MORC1: variants seen among roughly 807,000 people sequenced by gnomAD.
The protein encoded by MORC1 is MORC family CW-type zinc finger protein 1.
Under a neutral mutation model 134.9 loss-of-function variants are expected in MORC1, and 59 were observed. The ratio of observed to expected loss-of-function variants is 0.44; its 90% CI spans 0.35 to 0.54. MORC1 has a LOEUF of 0.54. Among genes scored for constraint, MORC1 ranks in the 20% least tolerant of loss-of-function variants. The probability of loss-of-function intolerance (pLI) is 0.00; values close to 1 mark genes in which losing one functional copy is unlikely to be tolerated. For synonymous variants in MORC1, 395 were observed against 391.7 expected, an observed-to-expected ratio of 1.01 and a Z score of -0.10; for missense variants, 947 against 1,134.5, an observed-to-expected ratio of 0.83 and a Z score of 2.37.
chr3:108,991,900 C>A (rs1346698754), intron 21 of MORC1, among the ~76,000 whole-genome samples: 1 of 152,138 alleles, frequency 6.6e-6, no homozygotes, highest in Non-Finnish European at 1.5e-5. Context: ...AGCTGTACTA[C>A]CTTTCTTTTA....
intron 8 of MORC1, among the ~76,000 whole-genome samples, chr3:109,078,008 C>T (rs560336483): frequency 1.1e-4 from 17 of 152,006 alleles, no homozygotes; most frequent in African/African-American, 3.9e-4. Flanking sequence ...CAGACACAGA[C>T]GGGCATTATG....
At chr3:109,113,668 C>T (rs1467337438) in intron 2 of MORC1, among the ~76,000 whole-genome samples, 1 of 149,790 alleles carries the variant, frequency 6.7e-6, no homozygotes, top group African/African-American at 2.5e-5. Flanking sequence ...TTCAATTTAA[C>T]TGAAAAAAAA....
At chr3:109,043,463 GAA>G (rs1949609022) in intron 14 of MORC1, among the ~76,000 whole-genome samples, 1 of 152,090 alleles carries the variant, frequency 6.6e-6, no homozygotes, top group Non-Finnish European at 1.5e-5. Context: ...TGTGCAAGAT[GAA>G]AAGAGTTTTA....
rs190097537 is a variant in MORC1 at position 109,056,402 on chromosome 3, T to C, written c.1175+941A>G. Among the ~76,000 whole-genome samples, 375 of 152,192 alleles carry C rather than the reference T, an allele frequency of 2.5e-3. 1 individual carries two copies. The highest frequency in any genetic ancestry group is 5.4e-3 in the Admixed American group (83 of 15,294). ...GCCACCACACCTGGCTAATTTTCTGTATTTCTAGTAGAGACGGGGTTTCAC... is the reference window on the plus strand; with the variant it reads ...GCCACCACACCTGGCTAATTTTCTGCATTTCTAGTAGAGACGGGGTTTCAC... On this transcript the variant is annotated intron_variant, in intron 13 of 27. Transcript: ENST00000232603.
At chr3:109,087,488 G>C (rs901886351) in intron 8 of MORC1, among the ~76,000 whole-genome samples, 2 of 151,928 alleles carry the variant, frequency 1.3e-5, no homozygotes, top group Non-Finnish European at 2.9e-5. Context: ...GCCACAAAAA[G>C]AATAAAATAC....
At chr3:109,077,919 G>C (rs1356031128) in intron 8 of MORC1, among the ~76,000 whole-genome samples, 1 of 151,996 alleles carries the variant, frequency 6.6e-6, no homozygotes, top group Non-Finnish European at 1.5e-5. Context: ...AAAATACACA[G>C]TAGGAAAATG....
At chr3:109,071,725 T>A (rs948816882) in intron 8 of MORC1, among the ~76,000 whole-genome samples, 3 of 152,214 alleles carry the variant, frequency 2.0e-5, no homozygotes, top group Admixed American at 1.3e-4. Context: ...TATTAGAGAC[T>A]TAGCATCCAA....
At chr3:109,035,243 T>C in intron 15 of MORC1, 97 bp downstream of exon 15, 1 of 1,163,420 alleles carries the variant, frequency 8.6e-7, no homozygotes, top group Non-Finnish European at 1.2e-6. Flanking sequence ...GCAAGATGTC[T>C]TACCTTTGTC....
chr3:109,054,940 T>A, intron 13 of MORC1, 58 bp from the exon 14 acceptor site: 1 of 1,433,560 alleles, frequency 7.0e-7, no homozygotes, highest in Non-Finnish European at 9.5e-7. Flanking sequence ...AAAAATCAAA[T>A]ATATTCTGGT....
At chr3:109,069,091 G>A (rs1357429518) in intron 9 of MORC1, among the ~76,000 whole-genome samples, 1 of 152,182 alleles carries the variant, frequency 6.6e-6, no homozygotes, top group East Asian at 1.9e-4. Flanking sequence ...GGGAGGCAGA[G>A]GTTGCACTGA....
At chr3:109,012,076 T>C (rs1444294401) in intron 17 of MORC1, among the ~76,000 whole-genome samples, 1 of 152,242 alleles carries the variant, frequency 6.6e-6, no homozygotes, top group Non-Finnish European at 1.5e-5. Flanking sequence ...TTCTAGGTTA[T>C]CTTTTACATT....
At chr3:109,044,017 C>G (rs142142471) in intron 14 of MORC1, among the ~76,000 whole-genome samples, 2 of 152,214 alleles carry the variant, frequency 1.3e-5, no homozygotes, top group East Asian at 3.9e-4. Context: ...TGAAAGCACA[C>G]AGCTAATTTT....
intron 15 of MORC1, 131 bp from the exon 16 acceptor site, chr3:109,032,956 C>T (rs886715947): frequency 7.5e-6 from 5 of 668,686 alleles, no homozygotes; most frequent in Admixed American, 3.1e-5. Flanking sequence ...TCATCATATA[C>T]CATTATTCTT....
At chr3:109,013,333 T>C (rs192083284) in intron 17 of MORC1, among the ~76,000 whole-genome samples, 2 of 152,322 alleles carry the variant, frequency 1.3e-5, no homozygotes, top group African/African-American at 4.8e-5. Flanking sequence ...GCCAGAGCTT[T>C]CTATAGAAAG....
chr3:109,035,928 C>G (rs1193519167), intron 14 of MORC1, among the ~76,000 whole-genome samples: 1 of 152,100 alleles, frequency 6.6e-6, no homozygotes, highest in Non-Finnish European at 1.5e-5. Flanking sequence ...GGTTCCTTTT[C>G]TCTCCAGTCT....
In MORC1 at chr3:109,057,416, T is replaced by C. The variant is rs780635776; in HGVS notation, c.1102A>G (p.Met368Val). 1.4e-5 allele frequency: 22 copies of C among 1,612,030 alleles called. No homozygotes were observed. Among genetic ancestry groups the C allele is most frequent in the Non-Finnish European group, 1.7e-5 (20 of 1,179,042 alleles). ...VNVENRSQAG[M>V]FIYSNNRLIK... ...AAACGGTTATTACTGTAAATGAACA[T>C]TCCAGCTTGGCTTCGGTTTTCTACG... Residue 368 changes from methionine to valine, a missense_variant, in exon 13 of 28, where the codon ATG (methionine) becomes GTG (valine). Physicochemically the swap from Met to Val is conservative, Grantham distance 21. Transcript: ENST00000232603.
chr3:108,960,869 G>T (rs1947062228), intron 27 of MORC1, among the ~76,000 whole-genome samples: 1 of 152,218 alleles, frequency 6.6e-6, no homozygotes, highest in Non-Finnish European at 1.5e-5. Context: ...AAAAAAGACT[G>T]CATTGACATG....
chr3:109,035,473 T>TTA lies in MORC1; in HGVS notation c.1331-6_1331-5insTA, dbSNP rs36119926. 1.7e-3 allele frequency: 2,052 copies of TTA among 1,174,800 alleles called. 22 individuals carry two copies. In the African/African-American group the frequency reaches 0.018, roughly 10 times the overall value. The allele number at this position is 1,174,800 out of a possible 1,614,324, so 72.8% of individuals were successfully genotyped here. A position where few individuals can be genotyped will look rare whatever the true frequency, so the allele number is the denominator to read the frequency against. On this transcript the variant is annotated splice_region_variant and splice_polypyrimidine_tract_variant and intron_variant, in intron 14 of 27. Coordinates refer to ENST00000232603, the MANE Select transcript of MORC1 (RefSeq NM_014429.4). ...ACAATGTTAAATTTCTATTATCTTT[T>TTA]AAAAAAAAAAGCAGGCAAAGAATAA... is the stretch of plus-strand genomic sequence containing the variant.
intron 8 of MORC1, among the ~76,000 whole-genome samples, chr3:109,071,837 T>C (rs989505618): frequency 1.3e-5 from 2 of 152,078 alleles, no homozygotes; most frequent in African/African-American, 4.8e-5. Flanking sequence ...AGCCATATGG[T>C]TTGCATATCT....
Sources: gnomAD v4.1 joint callset for allele counts (sites outside exome capture counted in the v4.1 genomes callset) on GRCh38, gnomAD v4.1.1 for gene constraint, MANE v1.5 for transcripts, NCBI Gene and HGNC (gene_info 2026-07-23, HGNC 2026-07-21) for gene names.